The following ARHGEF3 variants were observed in gnomAD, a reference collection of about 807,000 sequenced individuals.
ARHGEF3 encodes Rho guanine nucleotide exchange factor 3.
In ARHGEF3, 28 loss-of-function variants were observed where a neutral mutation model predicts 63.2. The ratio of observed to expected loss-of-function variants is 0.44; its 90% CI spans 0.33 to 0.61. ARHGEF3 has a LOEUF of 0.61. ARHGEF3 is among the 20% of genes least tolerant of loss of function. The probability of loss-of-function intolerance (pLI) is 0.03; values close to 1 mark genes in which losing one functional copy is unlikely to be tolerated. For synonymous variants in ARHGEF3, 266 were observed against 254.2 expected (o/e 1.05, Z -0.44); for missense variants, 533 against 659.3 (o/e 0.81, Z 2.10).
intron 1 of ARHGEF3, among the ~76,000 whole-genome samples, chr3:57,037,116 G>C (rs1703995613): frequency 2.0e-5 from 3 of 152,320 alleles, no homozygotes; most frequent in Admixed American, 6.5e-5. Flanking sequence ...GCTTCCATCA[G>C]AGCTAACTTC....
intron 2 of ARHGEF3, among the ~76,000 whole-genome samples, chr3:56,770,982 G>A (rs7640777): frequency 0.58 from 87,987 of 151,830 alleles, 26,033 homozygotes; most frequent in African/African-American, 0.68. Flanking sequence ...GCGTGGTGGT[G>A]GGTGACTGTA....
chr3:56,734,231 C>T (rs7427684), intron 8 of ARHGEF3, among the ~76,000 whole-genome samples: 3 of 151,930 alleles, frequency 2.0e-5, no homozygotes, highest in Non-Finnish European at 2.9e-5. Context: ...GAAATGCTTA[C>T]GAACTGAAGT....
intron 3 of ARHGEF3, among the ~76,000 whole-genome samples, chr3:56,900,163 A>G (rs895251491): frequency 6.6e-6 from 1 of 152,206 alleles, no homozygotes; most frequent in African/African-American, 2.4e-5. Flanking sequence ...CCTGGCTTGC[A>G]AATGTATATT....
At chr3:57,015,739 G>A (rs1702970680) in intron 2 of ARHGEF3, among the ~76,000 whole-genome samples, 1 of 151,922 alleles carries the variant, frequency 6.6e-6, no homozygotes, top group South Asian at 2.1e-4. Context: ...ACTGCACCTG[G>A]CCTTAAAATT....
In ARHGEF3 at chr3:56,801,925, G is replaced by A. The variant is rs1559953675; in HGVS notation, c.-127C>T. The A allele has an allele frequency of 1.3e-6, 2 of 1,538,302 alleles. No homozygotes were observed. The highest frequency in any genetic ancestry group is 1.4e-5 in the African/African-American group (1 of 72,920). On this transcript the variant is annotated 5_prime_UTR_variant, in exon 1 of 10. Coordinates refer to ENST00000296315, the MANE Select transcript of ARHGEF3 (RefSeq NM_019555.3). ...GCGGCGACACGGAGACCGACAGCCG[G>A]CTTCTAGCCGGGCAGGACTCGACTG...
intron 2 of ARHGEF3, among the ~76,000 whole-genome samples, chr3:56,962,933 A>G (rs1700343047): frequency 6.6e-6 from 1 of 152,174 alleles, no homozygotes; most frequent in African/African-American, 2.4e-5. Flanking sequence ...CACCTTGAGA[A>G]GAGGTTTAGC....
intron 3 of ARHGEF3, among the ~76,000 whole-genome samples, chr3:56,930,216 A>G (rs2042374894): frequency 6.6e-6 from 1 of 152,154 alleles, no homozygotes; most frequent in Non-Finnish European, 1.5e-5. Flanking sequence ...ACAGTACACA[A>G]TGAGATGCCG....
intron 4 of ARHGEF3, among the ~76,000 whole-genome samples, chr3:56,831,468 G>C (rs1012759850): frequency 1.1e-4 from 16 of 152,300 alleles, no homozygotes; most frequent in Admixed American, 8.5e-4. Context: ...AATTGTTTTA[G>C]GTTTTGTGGA....
chr3:56,727,841 A>C lies in ARHGEF3; in HGVS notation c.*1429T>G, dbSNP rs1413644470. 6.5e-6 allele frequency: 1 copy of C among 152,764 alleles called. No homozygotes were observed. Among genetic ancestry groups the C allele is most frequent in the East Asian group, 1.9e-4 (1 of 5,192 alleles). The allele number at this position is 152,764 out of a possible 1,614,324, so 9.5% of individuals were successfully genotyped here. On this transcript the variant is annotated 3_prime_UTR_variant, in exon 10 of 10. Coordinates refer to ENST00000296315, the MANE Select transcript of ARHGEF3 (RefSeq NM_019555.3). ...GTATATACCTTGTTTTTATATTGATATATCTTGTCACACAGCTTGAATGCA... is the reference window on the plus strand; with the variant it reads ...GTATATACCTTGTTTTTATATTGATCTATCTTGTCACACAGCTTGAATGCA...
At chr3:56,736,575 C>T (rs543035010) in intron 8 of ARHGEF3, among the ~76,000 whole-genome samples, 80 of 152,314 alleles carry the variant, frequency 5.3e-4, no homozygotes, top group African/African-American at 1.9e-3. Context: ...TTATTAAGAT[C>T]ATCCTTTATT....
chr3:56,914,990 T>C (rs962133699), intron 3 of ARHGEF3, among the ~76,000 whole-genome samples: 16 of 152,016 alleles, frequency 1.1e-4, no homozygotes, highest in Admixed American at 1.0e-3. Flanking sequence ...ATAGTCAAGA[T>C]GGTAAATTAT....
rs2032808764 is a variant in ARHGEF3, at chr3:56,727,457, A to G, written c.*1813T>C. On this transcript the variant is annotated 3_prime_UTR_variant, in exon 10 of 10. Transcript: ENST00000296315. ...GTAATTTATTTGAAATACTTCCAGA[A>G]AAGTTTAAGGCCATTATACAAAAAC... The G allele has an allele frequency of 1.3e-5, 2 of 152,662 alleles. No homozygotes were observed. Among genetic ancestry groups the G allele is most frequent in the African/African-American group, 4.8e-5 (2 of 41,458 alleles). 9.5% of individuals were successfully genotyped at this position (152,662 alleles called of 1,614,324 possible).
At chr3:56,809,734 C>CT (rs60689556) in intron 4 of ARHGEF3, among the ~76,000 whole-genome samples, 24 of 147,722 alleles carry the variant, frequency 1.6e-4, no homozygotes, top group South Asian at 4.3e-4. Flanking sequence ...TTTTACTTTA[C>CT]TTTTTTTTTT....
At chr3:56,777,701 G>A (rs911676958) in intron 1 of ARHGEF3, among the ~76,000 whole-genome samples, 5 of 152,196 alleles carry the variant, frequency 3.3e-5, no homozygotes, top group Non-Finnish European at 1.5e-5. Context: ...TGCAGCCAGA[G>A]TGGGGTGAGG....
chr3:57,048,256 A>C (rs1379155205), intron 1 of ARHGEF3, among the ~76,000 whole-genome samples: 3 of 152,194 alleles, frequency 2.0e-5, no homozygotes, highest in Admixed American at 2.0e-4. Flanking sequence ...ATGAGAAATG[A>C]CAATGAGGAA....
chr3:56,880,492 A>G (rs1307250488), intron 4 of ARHGEF3, among the ~76,000 whole-genome samples: 1 of 152,132 alleles, frequency 6.6e-6, no homozygotes, highest in Non-Finnish European at 1.5e-5. Context: ...AAGCATCTAG[A>G]GACATGCTTT....
chr3:56,762,413 G>T (rs1232199007), intron 2 of ARHGEF3, among the ~76,000 whole-genome samples: 1 of 152,132 alleles, frequency 6.6e-6, no homozygotes, highest in African/African-American at 2.4e-5. Flanking sequence ...TTGAGGAAAT[G>T]GTGCTCAAGT....
intron 3 of ARHGEF3, among the ~76,000 whole-genome samples, chr3:56,957,879 G>T (rs1005124855): frequency 6.6e-6 from 1 of 152,282 alleles, no homozygotes; most frequent in East Asian, 1.9e-4. Context: ...ATTAGCGCTA[G>T]AATTCACTTT....
upstream of ARHGEF3, among the ~76,000 whole-genome samples, chr3:56,804,477 A>C (rs561754021): frequency 6.6e-6 from 1 of 152,192 alleles, no homozygotes; most frequent in Non-Finnish European, 1.5e-5. Flanking sequence ...CACTAAATCC[A>C]CTTACTTTCC....
Sources: gnomAD v4.1 joint callset for allele counts (sites outside exome capture counted in the v4.1 genomes callset) on GRCh38, gnomAD v4.1.1 for gene constraint, MANE v1.5 for transcripts, NCBI Gene and HGNC (gene_info 2026-07-23, HGNC 2026-07-21) for gene names.